The following GCH1 variants were observed in gnomAD, a reference collection of about 807,000 sequenced individuals.
The protein encoded by GCH1 is GTP cyclohydrolase I.
In GCH1, 5 loss-of-function variants were observed where a neutral mutation model predicts 25.9. The observed-to-expected ratio is 0.19, with a 90% confidence interval of 0.10 to 0.41. GCH1 has a LOEUF of 0.41. Among genes scored for constraint, GCH1 ranks in the 10% least tolerant of loss-of-function variants. The probability of loss-of-function intolerance (pLI) is 1.00; values close to 1 mark genes in which losing one functional copy is unlikely to be tolerated. For missense variants in GCH1, 261 were observed against 336.5 expected, an observed-to-expected ratio of 0.78 and a Z score of 1.75; for synonymous variants, 159 against 129.6, an observed-to-expected ratio of 1.23 and a Z score of -1.54.
intron 1 of GCH1, among the ~76,000 whole-genome samples, chr14:54,890,908 C>T (rs1021119220): frequency 6.6e-6 from 1 of 152,184 alleles, no homozygotes; most frequent in East Asian, 1.9e-4. Context: ...CCCAGCTTCC[C>T]TCTGACTACA....
At chr14:54,880,633 TATATATATACTCC>T (rs1304200184) in intron 1 of GCH1, among the ~76,000 whole-genome samples, 9,356 of 33,470 alleles carry the variant, frequency 0.28, 4,485 homozygotes, top group South Asian at 0.45. Context: ...ATATACTCCA[TATATATATACTCC>T]ATATATATAT....
At chr14:54,864,882 G>A (rs1300753651) in intron 2 of GCH1, among the ~76,000 whole-genome samples, 1 of 152,118 alleles carries the variant, frequency 6.6e-6, no homozygotes. Flanking sequence ...CATAACCTCT[G>A]TCACAAGAAA....
In GCH1 at chr14:54,843,388, A is replaced by C; in HGVS notation, c.*629T>G. The stretch of plus-strand genomic sequence containing the variant: ...CCAGGAACTAATTCCCTATTCTTGA[A>C]TTTAAAAACAATAGAAGGTAGAAAT... On this transcript the variant is annotated 3_prime_UTR_variant, in exon 6 of 6. Transcript: ENST00000491895. 8.1e-7 allele frequency: 1 copy of C among 1,238,660 alleles called. No homozygotes were observed. The highest frequency in any genetic ancestry group is 1.0e-6 in the Non-Finnish European group (1 of 990,978). 76.7% of individuals were successfully genotyped at this position (1,238,660 alleles called of 1,614,324 possible).
rs1169181684 is a variant in GCH1 at position 54,896,758 on chromosome 14, C to CA, written c.343+5562dup. ...AAACCCCATCTCTACTAAAAAAATA[C>CA]AAAAAAAAAAAATTAGCCGGGTGTG... On this transcript the variant is annotated intron_variant, in intron 1 of 5. Coordinates refer to ENST00000491895, the MANE Select transcript of GCH1 (RefSeq NM_000161.3). 7.7e-3 allele frequency among the ~76,000 whole-genome samples: 1,080 copies of CA among 139,622 alleles called. 17 individuals are homozygous for CA. The highest frequency in any genetic ancestry group is 0.022 in the African/African-American group (826 of 38,418). 91.6% of individuals were successfully genotyped at this position (139,622 alleles called of 152,430 possible).
At chr14:54,892,972 G>T (rs142520205) in intron 1 of GCH1, among the ~76,000 whole-genome samples, 1 of 151,246 alleles carries the variant, frequency 6.6e-6, no homozygotes, top group Admixed American at 6.6e-5. Flanking sequence ...CCAGCTACTC[G>T]GGAGGCCGAG....
chr14:54,860,466 G>GCA (rs1332637069), intron 2 of GCH1, among the ~76,000 whole-genome samples: 1 of 151,494 alleles, frequency 6.6e-6, no homozygotes, highest in East Asian at 1.9e-4. Context: ...AAGCCCTGCA[G>GCA]CACAGAAGGT....
Position 54,902,569 on chromosome 14 carries a change from G to A in GCH1, c.95C>T (p.Pro32Leu). The A allele has an allele frequency of 6.7e-7, 1 of 1,496,590 alleles. No homozygotes were observed. The highest frequency in any genetic ancestry group is 8.9e-7 in the Non-Finnish European group (1 of 1,125,632). The allele number at this position is 1,496,590 out of a possible 1,614,324, so 92.7% of individuals were successfully genotyped here. The change falls in exon 1 of 6, where the codon CCC becomes CTC. Residue 32 changes from proline to leucine, a missense_variant. Transcript: ENST00000491895. ...CGGGGGCTTCTCCGCCGGCCTGCTG[G>A]GCCCGGGCCGCGGCGGATCCCGCTC... ...FPERDPPRPG[P>L]SRPAEKPPRP...
chr14:54,867,846 T>G (rs527990016), intron 1 of GCH1, among the ~76,000 whole-genome samples: 3 of 152,252 alleles, frequency 2.0e-5, no homozygotes, highest in Admixed American at 2.0e-4. Flanking sequence ...CCCATGCATA[T>G]TGAGGTACAT....
Position 54,844,009 on chromosome 14 carries a change from A to G in GCH1, c.*8T>C, listed in dbSNP as rs1030761539. On this transcript the variant is annotated 3_prime_UTR_variant, in exon 6 of 6. Transcript: ENST00000491895. The stretch of plus-strand genomic sequence containing the variant: ...ATCGGCAACCAACGCACACACACTG[A>G]ATGAAGCTCAGCTCCTAATGAGAGT... 6.2e-7 allele frequency: 1 copy of G among 1,614,082 alleles called. No homozygotes were observed. Among genetic ancestry groups the G allele is most frequent in the Non-Finnish European group, 8.5e-7 (1 of 1,180,022 alleles).
intron 5 of GCH1, 75 bp from the exon 6 acceptor site, chr14:54,844,218 G>T: frequency 1.1e-6 from 1 of 936,222 alleles, no homozygotes; most frequent in Non-Finnish European, 1.8e-6. Flanking sequence ...CAGGCCTAAA[G>T]ATTAAATCTC....
At chr14:54,846,453 G>T (rs972335180) in intron 4 of GCH1, among the ~76,000 whole-genome samples, 2 of 152,124 alleles carry the variant, frequency 1.3e-5, no homozygotes, top group African/African-American at 4.8e-5. Flanking sequence ...ATTCTAGACA[G>T]CCACCAGAAT....
intron 1 of GCH1, chr14:54,884,948 T>G (rs1008532073): frequency 6.4e-5 from 11 of 172,462 alleles, no homozygotes; most frequent in Admixed American, 5.5e-4. Flanking sequence ...GCTGTAACCA[T>G]CTTCCACATA....
chr14:54,875,495 C>A (rs1388884233), intron 1 of GCH1, among the ~76,000 whole-genome samples: 3 of 152,188 alleles, frequency 2.0e-5, no homozygotes, highest in African/African-American at 7.2e-5. Context: ...AACTAAAGAG[C>A]TTCTGCACAG....
chr14:54,857,533 G>A (rs1332093374), intron 3 of GCH1, among the ~76,000 whole-genome samples: 3 of 152,102 alleles, frequency 2.0e-5, no homozygotes, highest in African/African-American at 7.2e-5. Flanking sequence ...ATAGGCATCA[G>A]CAGTGCTGGA....
At chr14:54,869,440 C>T (rs2040037605) in intron 1 of GCH1, among the ~76,000 whole-genome samples, 1 of 152,170 alleles carries the variant, frequency 6.6e-6, no homozygotes, top group African/African-American at 2.4e-5. Flanking sequence ...TCTCTACTAT[C>T]TTTATAATTA....
At chr14:54,887,997 AAG>A (rs2040375489) in intron 1 of GCH1, among the ~76,000 whole-genome samples, 2 of 152,226 alleles carry the variant, frequency 1.3e-5, no homozygotes, top group African/African-American at 4.8e-5. Context: ...CTAAAACTTC[AAG>A]CACTAGTAAA....
At position 54,843,953 on chromosome 14, in the gene GCH1, C is replaced by T. The variant is rs992163518; in HGVS notation, c.*64G>A. The T allele has an allele frequency of 6.8e-5, 110 of 1,613,666 alleles. No individual in the cohort carries two copies. Among genetic ancestry groups the T allele is most frequent in the African/African-American group, 3.7e-4 (28 of 74,886 alleles). On this transcript the variant is annotated 3_prime_UTR_variant, in exon 6 of 6. Coordinates refer to ENST00000491895, the MANE Select transcript of GCH1 (RefSeq NM_000161.3). ...TGAAAATGGAATGTACAAACAAGACCGGACAGACAGACAATGCTACTGGCA... is the reference window on the plus strand; with the variant it reads ...TGAAAATGGAATGTACAAACAAGACTGGACAGACAGACAATGCTACTGGCA...
chr14:54,887,606 TTGAGACACC>T (rs1253011396), intron 1 of GCH1, among the ~76,000 whole-genome samples: 2 of 152,088 alleles, frequency 1.3e-5, no homozygotes, highest in Non-Finnish European at 2.9e-5. Flanking sequence ...TAAAAGACAT[TTGAGACACC>T]TGAGGAAATG....
intron 3 of GCH1, among the ~76,000 whole-genome samples, chr14:54,847,546 C>T (rs1297568841): frequency 3.3e-5 from 5 of 152,192 alleles, no homozygotes; most frequent in Non-Finnish European, 7.4e-5. Context: ...TGCCCTCAAA[C>T]ATCGAACTCC....
Sources: gnomAD v4.1 joint callset for allele counts (sites outside exome capture counted in the v4.1 genomes callset) on GRCh38, gnomAD v4.1.1 for gene constraint, MANE v1.5 for transcripts, NCBI Gene and HGNC (gene_info 2026-07-23, HGNC 2026-07-21) for gene names.